The following CADPS2 variants were observed in gnomAD, a reference collection of about 807,000 sequenced individuals.
CADPS2 encodes calcium-dependent secretion activator 2.
CADPS2 carries 93 observed loss-of-function variants against 172.5 expected under a neutral mutation model. That is an observed-to-expected ratio of 0.54 (90% confidence interval 0.46 to 0.64). The LOEUF is 0.64. Among genes scored for constraint, CADPS2 ranks in the 30% least tolerant of loss-of-function variants. CADPS2 has a pLI of 0.00. For synonymous variants in CADPS2, 546 were observed against 555.2 expected (o/e 0.98, Z 0.23); for missense variants, 1,420 against 1,565.9 (o/e 0.91, Z 1.57).
intron 2 of CADPS2, among the ~76,000 whole-genome samples, chr7:122,714,301 C>T (rs890815673): frequency 1.3e-5 from 2 of 152,058 alleles, no homozygotes; most frequent in African/African-American, 4.8e-5. Context: ...AAGTAGCAGT[C>T]TATACCTACA....
At chr7:122,671,758 C>G (rs151028675) in intron 2 of CADPS2, among the ~76,000 whole-genome samples, 1 of 151,986 alleles carries the variant, frequency 6.6e-6, no homozygotes, top group Non-Finnish European at 1.5e-5. Flanking sequence ...ATGGAAAACA[C>G]GAAAGAAGGA....
chr7:122,356,500 C>T lies in CADPS2; in HGVS notation c.3504+4288G>A, dbSNP rs1468972292. Among the ~76,000 whole-genome samples, 3 of 152,056 alleles carry T rather than the reference C, an allele frequency of 2.0e-5. No individual in the cohort carries two copies. The East Asian group carries it at 5.8e-4, about 29-fold the overall frequency. ...ATTGGAAGTTTATTCTCCCCATCTT[C>T]CTTTGCTTATTGTACTCTTCGGAAG... is the stretch of plus-strand genomic sequence containing the variant. On this transcript the variant is annotated intron_variant, in intron 27 of 29. Coordinates refer to ENST00000449022, the MANE Select transcript of CADPS2 (RefSeq NM_017954.11).
At chr7:122,524,924 G>A (rs1258177524) in intron 8 of CADPS2, among the ~76,000 whole-genome samples, 5 of 152,234 alleles carry the variant, frequency 3.3e-5, no homozygotes, top group South Asian at 4.1e-4. Flanking sequence ...TGAGGTAGGC[G>A]GATTGTTGAG....
At chr7:122,338,750 C>T (rs908241767) in intron 28 of CADPS2, among the ~76,000 whole-genome samples, 1 of 152,038 alleles carries the variant, frequency 6.6e-6, no homozygotes, top group African/African-American at 2.4e-5. Flanking sequence ...CTGACATTCA[C>T]ATATAAGAAA....
At chr7:122,486,177 CT>C (rs35693025) in intron 11 of CADPS2, among the ~76,000 whole-genome samples, 2 of 152,220 alleles carry the variant, frequency 1.3e-5, no homozygotes, top group Middle Eastern at 6.8e-3. Flanking sequence ...GTAATTTCAA[CT>C]TTCAAGTCTT....
At chr7:122,814,463 C>G (rs1404948415) in intron 1 of CADPS2, among the ~76,000 whole-genome samples, 1 of 151,834 alleles carries the variant, frequency 6.6e-6, no homozygotes, top group East Asian at 1.9e-4. Context: ...TTTTGTGTGT[C>G]CTGAAAGCTA....
chr7:122,393,330 A>G lies in CADPS2; in HGVS notation c.2889-15T>C, dbSNP rs750340884. Reference sequence around the variant, plus strand: ...TGGCGATATTCCTGTAAAGAAACAAACAACGTGGGAAGGGACCACCATAAG... The same window carrying G: ...TGGCGATATTCCTGTAAAGAAACAAGCAACGTGGGAAGGGACCACCATAAG... On this transcript the variant is annotated splice_polypyrimidine_tract_variant and intron_variant, in intron 21 of 29. Transcript: ENST00000449022. 2.5e-6 allele frequency: 4 copies of G among 1,613,808 alleles called. No homozygotes were observed. In the South Asian group the frequency reaches 4.4e-5, roughly 18 times the overall value.
At chr7:122,349,832 G>A (rs1168388780) in intron 27 of CADPS2, among the ~76,000 whole-genome samples, 2 of 152,174 alleles carry the variant, frequency 1.3e-5, no homozygotes, top group Non-Finnish European at 2.9e-5. Flanking sequence ...ACAGGTGCAA[G>A]TCTTCGCTTT....
Position 122,652,711 on chromosome 7 carries a change from G to A in CADPS2, c.786+10526C>T, listed in dbSNP as rs577594994. Among the ~76,000 whole-genome samples, 12 of 152,120 alleles carry A rather than the reference G, an allele frequency of 7.9e-5. No homozygotes were observed. The South Asian group carries it at 1.9e-3, about 24-fold the overall frequency. ...TCTTAATATTTTGTTCTATGAATGCGCACCACTGCAGATACATTGTTCTCA... is the reference window on the plus strand; with the variant it reads ...TCTTAATATTTTGTTCTATGAATGCACACCACTGCAGATACATTGTTCTCA... On this transcript the variant is annotated intron_variant, in intron 3 of 29. Transcript: ENST00000449022.
chr7:122,846,728 AAACAC>A (rs1812084433), intron 1 of CADPS2, among the ~76,000 whole-genome samples: 1 of 152,196 alleles, frequency 6.6e-6, no homozygotes, highest in South Asian at 2.1e-4. Flanking sequence ...CCAGGAAACA[AAACAC>A]AAAAGTACTA....
At chr7:122,802,519 AG>A (rs1311030788) in intron 1 of CADPS2, among the ~76,000 whole-genome samples, 1 of 152,178 alleles carries the variant, frequency 6.6e-6, no homozygotes, top group African/African-American at 2.4e-5. Context: ...AATACACCCT[AG>A]GTGTGATCTA....
chr7:122,363,335 A>G (rs2040429859), intron 25 of CADPS2, among the ~76,000 whole-genome samples: 1 of 152,188 alleles, frequency 6.6e-6, no homozygotes, highest in Non-Finnish European at 1.5e-5. Context: ...AGCTTGAACC[A>G]TGGAGGCTGT....
At chr7:122,695,455 TC>T (rs1008820331) in intron 2 of CADPS2, among the ~76,000 whole-genome samples, 1 of 152,226 alleles carries the variant, frequency 6.6e-6, no homozygotes, top group African/African-American at 2.4e-5. Flanking sequence ...TAGTGCTATT[TC>T]CAAGTTCTAT....
chr7:122,507,654 G>T (rs1277122337), intron 9 of CADPS2, among the ~76,000 whole-genome samples: 1 of 152,166 alleles, frequency 6.6e-6, no homozygotes, highest in African/African-American at 2.4e-5. Flanking sequence ...GCAGCAAATT[G>T]TCATAATGTG....
At chr7:122,697,259 T>C (rs1372766266) in intron 2 of CADPS2, among the ~76,000 whole-genome samples, 2 of 151,970 alleles carry the variant, frequency 1.3e-5, no homozygotes, top group East Asian at 1.9e-4. Context: ...ATAAGAATAA[T>C]AAGATTTTGT....
chr7:122,755,390 C>T (rs947319740), intron 1 of CADPS2, among the ~76,000 whole-genome samples: 1 of 151,988 alleles, frequency 6.6e-6, no homozygotes, highest in Non-Finnish European at 1.5e-5. Flanking sequence ...TAGCTAAAAC[C>T]AAAATGCCTC....
chr7:122,742,071 G>A (rs975719451), intron 1 of CADPS2, among the ~76,000 whole-genome samples: 6 of 152,060 alleles, frequency 3.9e-5, no homozygotes, highest in South Asian at 2.1e-4. Context: ...TTACAGATGC[G>A]CAGAGTCGCT....
intron 2 of CADPS2, among the ~76,000 whole-genome samples, chr7:122,668,829 A>T (rs1253465712): frequency 1.3e-5 from 2 of 152,210 alleles, no homozygotes; most frequent in African/African-American, 4.8e-5. Flanking sequence ...CCTGAGAGGA[A>T]GCCCTGTCTT....
At chr7:122,699,654 C>T (rs2136224684) in intron 2 of CADPS2, among the ~76,000 whole-genome samples, 1 of 152,180 alleles carries the variant, frequency 6.6e-6, no homozygotes, top group South Asian at 2.1e-4. Flanking sequence ...GTAAGGGATC[C>T]TGCTCAGTTT....
Sources: gnomAD v4.1 joint callset for allele counts (sites outside exome capture counted in the v4.1 genomes callset) on GRCh38, gnomAD v4.1.1 for gene constraint, MANE v1.5 for transcripts, NCBI Gene and HGNC (gene_info 2026-07-23, HGNC 2026-07-21) for gene names.